The following CLEC17A variants were observed in gnomAD, a reference collection of about 807,000 sequenced individuals.
CLEC17A encodes the protein C-type lectin domain family 17, member A.
CLEC17A carries 37 observed loss-of-function variants against 61.3 expected under a neutral mutation model. The ratio of observed to expected loss-of-function variants is 0.60; its 90% confidence interval spans 0.46 to 0.79. The LOEUF (loss-of-function observed/expected upper bound fraction) is 0.79. CLEC17A is among the 30% of genes least tolerant of loss of function. The probability of loss-of-function intolerance (pLI) is 0.00; values close to 1 mark genes in which losing one functional copy is unlikely to be tolerated. For synonymous variants in CLEC17A, 168 were observed against 164.9 expected, an observed-to-expected ratio of 1.02 and a Z score of -0.14; for missense variants, 418 against 464.7, an observed-to-expected ratio of 0.90 and a Z score of 0.92.
chr19:14,593,669 A>G (rs2074474744), intron 4 of CLEC17A, among the ~76,000 whole-genome samples: 1 of 152,066 alleles, frequency 6.6e-6, no homozygotes, highest in Admixed American at 6.6e-5. Context: ...CTTTAAAAAA[A>G]TAGAACACGG....
chr19:14,593,694 C>A (rs2074475825), intron 4 of CLEC17A, among the ~76,000 whole-genome samples: 1 of 151,914 alleles, frequency 6.6e-6, no homozygotes, highest in Non-Finnish European at 1.5e-5. Context: ...GGTGCGGTGG[C>A]TCACGCCTGT....
chr19:14,599,156 T>C (rs2074637924), intron 10 of CLEC17A, among the ~76,000 whole-genome samples: 1 of 147,230 alleles, frequency 6.8e-6, no homozygotes, highest in South Asian at 2.2e-4. Context: ...GGTGTGATCT[T>C]GGCTCACTGC....
intron 8 of CLEC17A, among the ~76,000 whole-genome samples, chr19:14,596,452 G>T (rs1450545523): frequency 6.6e-6 from 1 of 152,050 alleles, no homozygotes; most frequent in Non-Finnish European, 1.5e-5. Context: ...ACAACATGGC[G>T]AGACCCCCAT....
intron 1 of CLEC17A, 69 bp downstream of exon 1, chr19:14,583,272 A>G: frequency 6.2e-7 from 1 of 1,613,158 alleles, no homozygotes; most frequent in Non-Finnish European, 8.5e-7. Flanking sequence ...AATCCCCACC[A>G]TGGGGCAGCT....
intron 12 of CLEC17A, among the ~76,000 whole-genome samples, chr19:14,600,891 CTTTTTTTTTTT>C (rs71166763): frequency 0.14 from 8,720 of 63,014 alleles, 492 homozygotes; most frequent in South Asian, 0.2. Context: ...GCTCGGCCTT[CTTTTTTTTTTT>C]TTTTTTTTTT....
In CLEC17A at chr19:14,600,655, C is replaced by T. The variant is rs562565628; in HGVS notation, c.894+473C>T. On this transcript the variant is annotated intron_variant, in intron 12 of 13. Coordinates refer to ENST00000417570, the MANE Select transcript of CLEC17A (RefSeq NM_001204118.2). ...GGAGTGCAGTGGCTGGATCTTGGCT[C>T]ACTGTAAGCTCCGCCTCCCGGGTTC... Among the ~76,000 whole-genome samples, 20 of 151,324 alleles carry T rather than the reference C, an allele frequency of 1.3e-4. No individual in the cohort carries two copies. In the East Asian group the frequency reaches 3.3e-3, roughly 25 times the overall value.
intron 1 of CLEC17A, 66 bp from the exon 2 acceptor site, chr19:14,583,291 G>A: frequency 1.9e-6 from 3 of 1,612,126 alleles, no homozygotes; most frequent in Non-Finnish European, 2.5e-6. Context: ...CTGAGGCAGA[G>A]ACCAGGGCTT....
upstream of CLEC17A, among the ~76,000 whole-genome samples, chr19:14,581,720 T>A (rs1210564211): frequency 6.6e-6 from 1 of 152,172 alleles, no homozygotes; most frequent in African/African-American, 2.4e-5. Context: ...TGATGTGATC[T>A]CGGCTCACTG....
At position 14,607,086 on chromosome 19, in the gene CLEC17A, T is replaced by C; in HGVS notation, c.988T>C (p.Ser330Pro). 7.6e-7 allele frequency: 1 copy of C among 1,312,206 alleles called. No homozygotes were observed. Among genetic ancestry groups the C allele is most frequent in the Non-Finnish European group, 9.8e-7 (1 of 1,024,300 alleles). 81.3% of individuals were successfully genotyped at this position (1,312,206 alleles called of 1,614,324 possible). A position where few individuals can be genotyped will look rare whatever the true frequency, so the allele number is the denominator to read the frequency against. Residue 330 changes from serine (S) to proline (P), a missense_variant, in exon 13 of 14, where the codon TCT (serine) becomes CCT (proline). Ser to Pro is a moderately conservative substitution (Grantham distance 74, BLOSUM62 -1). Transcript: ENST00000417570. ...AGGGGACTGGAGGTGGCTGGATGGG[T>C]CTCCTGTGACATTAAGGCAAGTGCT... ...QEGDWRWLDG[S>P]PVTLSFWEPE...
chr19:14,607,407 G>A (rs1232181722), intron 13 of CLEC17A, among the ~76,000 whole-genome samples: 2 of 151,582 alleles, frequency 1.3e-5, no homozygotes, highest in East Asian at 2.0e-4. Flanking sequence ...GTTTCACCGT[G>A]TTAGCCAGGA....
At chr19:14,588,863 C>T (rs1205368988) in intron 3 of CLEC17A, among the ~76,000 whole-genome samples, 1 of 151,952 alleles carries the variant, frequency 6.6e-6, no homozygotes, top group Non-Finnish European at 1.5e-5. Context: ...CAGAGTGGGG[C>T]CACCTGGGAG....
chr19:14,585,177 A>G (rs1325482599), intron 2 of CLEC17A, among the ~76,000 whole-genome samples: 3 of 152,244 alleles, frequency 2.0e-5, no homozygotes, highest in Non-Finnish European at 4.4e-5. Context: ...AGAATTTAAA[A>G]AAAATATTTT....
chr19:14,599,788 C>G lies in CLEC17A; in HGVS notation c.718C>G (p.Leu240Val), dbSNP rs1034573226. The G allele has an allele frequency of 1.9e-6, 3 of 1,613,780 alleles. No individual in the cohort carries two copies. Among genetic ancestry groups the G allele is most frequent in the Non-Finnish European group, 2.5e-6 (3 of 1,179,764 alleles). Residue 240 changes from leucine to valine, a missense_variant, in exon 11 of 14, where the codon CTG (leucine) becomes GTG (valine). Physicochemically the swap from Leu to Val is conservative, Grantham distance 32. Coordinates refer to ENST00000417570, the MANE Select transcript of CLEC17A (RefSeq NM_001204118.2). ...ARVRADTNQSLVELWGLLDCR... is the reference protein window; with the variant it reads ...ARVRADTNQSVVELWGLLDCR... The stretch of plus-strand genomic sequence containing the variant: ...TGTAAGAGCTGACACCAACCAGTCC[C>G]TGGTGGAACTTTGGGGCTTATTAGG...
chr19:14,586,690 G>T (rs1180034246), intron 2 of CLEC17A, among the ~76,000 whole-genome samples: 1 of 152,088 alleles, frequency 6.6e-6, no homozygotes, highest in African/African-American at 2.4e-5. Context: ...GCCTCCCAAA[G>T]TGCTGGGATT....
chr19:14,582,522 T>C (rs1160072393), upstream of CLEC17A, among the ~76,000 whole-genome samples: 1 of 152,000 alleles, frequency 6.6e-6, no homozygotes, highest in Non-Finnish European at 1.5e-5. Context: ...TGTAAAGCCA[T>C]TTAAGGCCCA....
upstream of CLEC17A, among the ~76,000 whole-genome samples, chr19:14,582,662 C>T (rs555373873): frequency 6.6e-6 from 1 of 152,204 alleles, no homozygotes; most frequent in South Asian, 2.1e-4. Context: ...GGCTGGAGTG[C>T]AGTGGCGTGA....
In CLEC17A at chr19:14,611,443, T is replaced by C. The variant is rs1002439339; in HGVS notation, c.*1247T>C. Among the ~76,000 whole-genome samples, 4 of 134,246 alleles carry C rather than the reference T, an allele frequency of 3.0e-5. No individual in the cohort carries two copies. The highest frequency in any genetic ancestry group is 6.2e-5 in the Non-Finnish European group (4 of 64,554). The allele number at this position is 134,246 out of a possible 152,430, so 88.1% of individuals were successfully genotyped here. On this transcript the variant is annotated 3_prime_UTR_variant, in exon 14 of 14. Coordinates refer to ENST00000417570, the MANE Select transcript of CLEC17A (RefSeq NM_001204118.2). ...CCCAGGCTGGAGTGCAGTGGCACAA[T>C]CATAGCTTACTGCACCCTCTGCCTC...
chr19:14,602,659 T>C (rs1373264432), intron 12 of CLEC17A, among the ~76,000 whole-genome samples: 1 of 152,126 alleles, frequency 6.6e-6, no homozygotes, highest in Non-Finnish European at 1.5e-5. Flanking sequence ...AGGTCTATCA[T>C]CTTATTATTT....
At chr19:14,597,359 C>T (rs2074576108) in intron 10 of CLEC17A, among the ~76,000 whole-genome samples, 198 bp downstream of exon 10, 1 of 152,186 alleles carries the variant, frequency 6.6e-6, no homozygotes, top group African/African-American at 2.4e-5. Context: ...GTCCAGACCT[C>T]CACCATCCAA....
Sources: gnomAD v4.1 joint callset for allele counts (sites outside exome capture counted in the v4.1 genomes callset) on GRCh38, gnomAD v4.1.1 for gene constraint, MANE v1.5 for transcripts, NCBI Gene and HGNC (gene_info 2026-07-23, HGNC 2026-07-21) for gene names.